Variants in TBC1D19 observed in about 807,000 individuals in gnomAD.
TBC1D19 encodes the protein TBC1 domain family member 19.
In TBC1D19, 60 loss-of-function variants were observed where a neutral mutation model predicts 89.0. The ratio of observed to expected loss-of-function variants is 0.67; its 90% CI spans 0.55 to 0.84. The LOEUF (loss-of-function observed/expected upper bound fraction) is 0.84. Ranked by LOEUF, TBC1D19 falls within the 40% of genes least tolerant of loss-of-function variation. The pLI is 0.00. For missense variants in TBC1D19, 500 were observed against 610.8 expected, an observed-to-expected ratio of 0.82 and a Z score of 1.91; for synonymous variants, 189 against 199.7, an observed-to-expected ratio of 0.95 and a Z score of 0.45.
intron 13 of TBC1D19, among the ~76,000 whole-genome samples, chr4:26,716,944 C>A (rs1716664673): frequency 1.3e-5 from 2 of 152,046 alleles, no homozygotes; most frequent in Admixed American, 6.6e-5. Flanking sequence ...CCATGCCCAG[C>A]CAATACTCTG....
At chr4:26,715,949 G>A (rs868382940) in intron 13 of TBC1D19, among the ~76,000 whole-genome samples, 10 of 152,082 alleles carry the variant, frequency 6.6e-5, no homozygotes, top group Middle Eastern at 3.4e-3. Context: ...ACATATATCC[G>A]CATGCTAAGT....
chr4:26,771,903 C>G, the TBC1D19 span, among the ~76,000 whole-genome samples: 1 of 151,722 alleles, frequency 6.6e-6, no homozygotes, highest in Admixed American at 6.6e-5. Context: ...GAACAGAAAT[C>G]AATGAAATAG....
At chr4:26,789,484 G>A in the TBC1D19 span, among the ~76,000 whole-genome samples, 7 of 152,248 alleles carry the variant, frequency 4.6e-5, no homozygotes, top group African/African-American at 1.4e-4. Context: ...TAAGGGAAAG[G>A]CAAATGAAAA....
At chr4:26,613,052 C>T in intron 1 of TBC1D19, 117 bp from the exon 2 acceptor site, 2 of 706,962 alleles carry the variant, frequency 2.8e-6, no homozygotes, top group South Asian at 1.9e-5. Flanking sequence ...AAGTAGTATA[C>T]ATTTTTGAAC....
At chr4:26,605,907 T>G (rs1428368855) in intron 1 of TBC1D19, among the ~76,000 whole-genome samples, 1 of 152,242 alleles carries the variant, frequency 6.6e-6, no homozygotes, top group Non-Finnish European at 1.5e-5. Flanking sequence ...GGGTTATTTG[T>G]TTTTTGAAGA....
intron 13 of TBC1D19, among the ~76,000 whole-genome samples, chr4:26,712,297 G>A (rs530144245): frequency 6.6e-6 from 1 of 152,130 alleles, no homozygotes; most frequent in East Asian, 1.9e-4. Context: ...CATTGGCAGG[G>A]CTGTGTTACT....
intron 7 of TBC1D19, among the ~76,000 whole-genome samples, chr4:26,659,227 C>T (rs1745065696): frequency 6.6e-6 from 1 of 151,986 alleles, no homozygotes; most frequent in Admixed American, 6.6e-5. Flanking sequence ...AAAATTTTTC[C>T]TGATAAATAT....
chr4:26,758,172 C>A (rs1053358212), downstream of TBC1D19, among the ~76,000 whole-genome samples: 10 of 152,110 alleles, frequency 6.6e-5, no homozygotes, highest in African/African-American at 2.4e-4. Flanking sequence ...CTGTTCATCA[C>A]TCATATGATG....
chr4:26,614,876 C>T (rs939643772), intron 3 of TBC1D19, among the ~76,000 whole-genome samples: 1 of 152,064 alleles, frequency 6.6e-6, no homozygotes, highest in African/African-American at 2.4e-5. Context: ...TAGGGTTTCA[C>T]CATGTTGGCC....
chr4:26,678,148 T>C (rs567273864), intron 11 of TBC1D19, among the ~76,000 whole-genome samples: 78 of 152,224 alleles, frequency 5.1e-4, no homozygotes, highest in African/African-American at 1.9e-3. Flanking sequence ...GACCAAAATG[T>C]TGATAGTGAT....
intron 1 of TBC1D19, among the ~76,000 whole-genome samples, chr4:26,595,560 G>A (rs1577767397): frequency 6.6e-6 from 1 of 152,014 alleles, no homozygotes; most frequent in South Asian, 2.1e-4. Context: ...GTTACATTTA[G>A]GTCTATGCTT....
chr4:26,613,240 A>G lies in TBC1D19; in HGVS notation c.171A>G (p.Ser57=). 1.3e-6 allele frequency: 2 copies of G among 1,541,340 alleles called. No individual in the cohort carries two copies. The highest frequency in any genetic ancestry group is 1.8e-6 in the Non-Finnish European group (2 of 1,135,910). ...KEDIKEFFKI[S]GWEKKLQNAV... Reference sequence around the variant, plus strand: ...ATATTAAGGAATTCTTTAAAATATCAGGTTTGTAAGTTTTTCCTAATAACT... The same window carrying G: ...ATATTAAGGAATTCTTTAAAATATCGGGTTTGTAAGTTTTTCCTAATAACT... Residue 57 remains serine, a splice_region_variant and synonymous_variant, in exon 2 of 21, where the codon TCA becomes TCG. Transcript: ENST00000264866.
chr4:26,627,131 C>T (rs796904985), intron 4 of TBC1D19, among the ~76,000 whole-genome samples: 1 of 151,452 alleles, frequency 6.6e-6, no homozygotes, highest in Non-Finnish European at 1.5e-5. Context: ...TGAGTGAGAA[C>T]ATGCGGTGTT....
At chr4:26,854,263 A>G in the TBC1D19 span, among the ~76,000 whole-genome samples, 1 of 152,346 alleles carries the variant, frequency 6.6e-6, no homozygotes, top group East Asian at 1.9e-4. Context: ...AAAGAAATAC[A>G]TATCTGTTTG....
chr4:26,728,097 C>T (rs1717422659), intron 15 of TBC1D19, among the ~76,000 whole-genome samples: 1 of 152,178 alleles, frequency 6.6e-6, no homozygotes, highest in Admixed American at 6.5e-5. Context: ...TTAAAAGTGC[C>T]TTGTCCTGAC....
chr4:26,770,054 G>T, the TBC1D19 span, among the ~76,000 whole-genome samples: 29 of 150,016 alleles, frequency 1.9e-4, 1 homozygote, highest in African/African-American at 6.3e-4. Context: ...AAAAACAGAT[G>T]GAGAAAAATA....
intron 8 of TBC1D19, among the ~76,000 whole-genome samples, chr4:26,663,361 G>T (rs1356760112): frequency 6.6e-6 from 1 of 152,136 alleles, no homozygotes; most frequent in Non-Finnish European, 1.5e-5. Flanking sequence ...AGGACGGAAA[G>T]AATGTGCATG....
At chr4:26,592,870 T>C (rs1301528436) in intron 1 of TBC1D19, among the ~76,000 whole-genome samples, 1 of 152,204 alleles carries the variant, frequency 6.6e-6, no homozygotes, top group Admixed American at 6.5e-5. Flanking sequence ...CATTCCATGC[T>C]CATGGGTGGG....
chr4:26,759,469 G>C (rs933332769), downstream of TBC1D19, among the ~76,000 whole-genome samples: 1 of 152,042 alleles, frequency 6.6e-6, no homozygotes, highest in Admixed American at 6.6e-5. Flanking sequence ...GTACAATAAA[G>C]TTATATGTAT....
Sources: gnomAD v4.1 joint callset for allele counts (sites outside exome capture counted in the v4.1 genomes callset) on GRCh38, gnomAD v4.1.1 for gene constraint, MANE v1.5 for transcripts, NCBI Gene and HGNC (gene_info 2026-07-23, HGNC 2026-07-21) for gene names.